MDGA2: variants seen among roughly 807,000 people sequenced by gnomAD.
MDGA2 encodes the protein MAM domain-containing glycosylphosphatidylinositol anchor protein 2.
Under a neutral mutation model 117.8 loss-of-function variants are expected in MDGA2, and 40 were observed. The ratio of observed to expected loss-of-function variants is 0.34; its 90% CI spans 0.26 to 0.44. The LOEUF is 0.44. Ranked by LOEUF, MDGA2 falls within the 20% of genes least tolerant of loss-of-function variation. The pLI, the probability that MDGA2 is intolerant of heterozygous loss-of-function variation, is 1.00. For missense variants in MDGA2, 1,123 were observed against 1,250.6 expected (o/e 0.90, Z 1.54); for synonymous variants, 452 against 439.0 (o/e 1.03, Z -0.37).
chr14:47,658,373 C>G (rs1162001980), intron 1 of MDGA2, among the ~76,000 whole-genome samples: 4 of 151,956 alleles, frequency 2.6e-5, no homozygotes, highest in Non-Finnish European at 5.9e-5. Flanking sequence ...GATCTTAGGC[C>G]CTTCAGCTCA....
At chr14:47,288,429 T>C (rs201094513) in intron 2 of MDGA2, among the ~76,000 whole-genome samples, 1 of 152,172 alleles carries the variant, frequency 6.6e-6, no homozygotes, top group East Asian at 1.9e-4. Flanking sequence ...GATACCATAT[T>C]GCAGACCCAG....
At chr14:46,873,011 C>T (rs956464560) in intron 14 of MDGA2, among the ~76,000 whole-genome samples, 2 of 151,892 alleles carry the variant, frequency 1.3e-5, no homozygotes, top group Non-Finnish European at 2.9e-5. Flanking sequence ...ATCACACCAA[C>T]GTTTCAAATA....
chr14:47,612,179 T>C (rs1266142195), intron 1 of MDGA2, among the ~76,000 whole-genome samples: 1 of 151,512 alleles, frequency 6.6e-6, no homozygotes, highest in East Asian at 1.9e-4. Context: ...CACCAAATTA[T>C]ATTTCAAATG....
chr14:47,429,181 C>T (rs1272071495), intron 1 of MDGA2, among the ~76,000 whole-genome samples: 2 of 151,544 alleles, frequency 1.3e-5, no homozygotes, highest in Non-Finnish European at 2.9e-5. Context: ...GCTGAGATTG[C>T]GCCACTGCAC....
chr14:46,992,150 G>A (rs1887115590), intron 8 of MDGA2, among the ~76,000 whole-genome samples: 1 of 152,118 alleles, frequency 6.6e-6, no homozygotes, highest in South Asian at 2.1e-4. Flanking sequence ...TGCTTCCACT[G>A]ACACTGCTTA....
At chr14:47,457,168 TTGAA>T (rs1893372331) in intron 1 of MDGA2, among the ~76,000 whole-genome samples, 1 of 152,188 alleles carries the variant, frequency 6.6e-6, no homozygotes, top group African/African-American at 2.4e-5. Context: ...ACTACCAACT[TTGAA>T]TGAGAAAATT....
intron 9 of MDGA2, among the ~76,000 whole-genome samples, chr14:46,953,405 C>CT (rs1264446614): frequency 1.3e-5 from 2 of 151,694 alleles, no homozygotes; most frequent in Non-Finnish European, 2.9e-5. Context: ...TTTTACAACT[C>CT]TAAGTATATA....
chr14:47,539,986 A>G (rs912981705), intron 1 of MDGA2, among the ~76,000 whole-genome samples: 23 of 152,088 alleles, frequency 1.5e-4, no homozygotes, highest in African/African-American at 5.3e-4. Flanking sequence ...CTTTTCCTTA[A>G]AAGAGCCACA....
chr14:46,874,947 C>T (rs949519105), intron 12 of MDGA2, among the ~76,000 whole-genome samples: 1 of 151,356 alleles, frequency 6.6e-6, no homozygotes, highest in Non-Finnish European at 1.5e-5. Context: ...GGTTTTCTTA[C>T]TGCTTGAAAA....
At chr14:47,619,607 C>A (rs759036470) in intron 1 of MDGA2, among the ~76,000 whole-genome samples, 1 of 152,076 alleles carries the variant, frequency 6.6e-6, no homozygotes, top group African/African-American at 2.4e-5. Flanking sequence ...AATGACCAAG[C>A]CTTAAGGGCT....
chr14:46,865,203 A>G (rs1029303807), intron 14 of MDGA2, among the ~76,000 whole-genome samples: 7 of 152,138 alleles, frequency 4.6e-5, no homozygotes, highest in Admixed American at 3.9e-4. Flanking sequence ...TTGTATAAAA[A>G]TATTTAAGTT....
intron 8 of MDGA2, among the ~76,000 whole-genome samples, chr14:47,010,377 T>C (rs1403259489): frequency 6.6e-6 from 1 of 151,944 alleles, no homozygotes; most frequent in Admixed American, 6.6e-5. Context: ...AACATAAAAT[T>C]CTAATTTATT....
intron 1 of MDGA2, among the ~76,000 whole-genome samples, chr14:47,347,428 G>A (rs552444987): frequency 1.3e-5 from 2 of 152,274 alleles, no homozygotes; most frequent in East Asian, 3.9e-4. Flanking sequence ...TTTTAAAAAC[G>A]TGGCATTTTA....
At chr14:47,255,154 A>G (rs1887576237) in intron 2 of MDGA2, among the ~76,000 whole-genome samples, 1 of 152,224 alleles carries the variant, frequency 6.6e-6, no homozygotes, top group Non-Finnish European at 1.5e-5. Flanking sequence ...TTGCAAGAAA[A>G]CAGAAAACAG....
At chr14:47,301,328 G>T in intron 2 of MDGA2, 83 bp downstream of exon 2, 2 of 1,430,338 alleles carry the variant, frequency 1.4e-6, no homozygotes, top group African/African-American at 1.5e-5. Flanking sequence ...CACAGTTTTA[G>T]CTAAATATTC....
intron 10 of MDGA2, among the ~76,000 whole-genome samples, chr14:46,890,857 G>A (rs1193503810): frequency 1.3e-5 from 2 of 152,054 alleles, no homozygotes; most frequent in African/African-American, 2.4e-5. Context: ...AGTAGAAATT[G>A]AAGTTGAAAA....
chr14:46,852,519 A>T (rs1052553457), intron 15 of MDGA2, among the ~76,000 whole-genome samples: 1 of 151,852 alleles, frequency 6.6e-6, no homozygotes, highest in Admixed American at 6.6e-5. Context: ...AGAGAGAGAA[A>T]TAGAGCACTG....
At position 46,953,153 on chromosome 14, in the gene MDGA2, T is replaced by G. The variant is rs113086440; in HGVS notation, c.2089+4221A>C. Among the ~76,000 whole-genome samples, 239 of 152,018 alleles carry G rather than the reference T, an allele frequency of 1.6e-3. 2 individuals are homozygous for G. Among genetic ancestry groups the G allele is most frequent in the African/African-American group, 5.6e-3 (231 of 41,532 alleles). On this transcript the variant is annotated intron_variant, in intron 9 of 16. Transcript: ENST00000399232. The stretch of plus-strand genomic sequence containing the variant: ...TTTTTATTGTTCTCTTTCTGATGTT[T>G]AATCTTGTACCTCACACTTAGTAAG...
chr14:46,929,011 T>C (rs1275961323), intron 9 of MDGA2, among the ~76,000 whole-genome samples: 1 of 152,158 alleles, frequency 6.6e-6, no homozygotes, highest in Non-Finnish European at 1.5e-5. Context: ...TCATGGGCCA[T>C]ATACACACAG....
Sources: allele counts gnomAD v4.1 joint callset (sites outside exome capture counted in the v4.1 genomes callset), GRCh38; gene constraint gnomAD v4.1.1; transcripts MANE v1.5; gene names NCBI Gene and HGNC (gene_info 2026-07-23, HGNC 2026-07-21).